Variants in XRCC6 observed in about 807,000 individuals in gnomAD.
The protein encoded by XRCC6 is X-ray repair cross complementing 6.
Under a neutral mutation model 65.7 loss-of-function variants are expected in XRCC6, and 5 were observed. That is an observed-to-expected ratio of 0.08 (90% confidence interval 0.04 to 0.16). The LOEUF (loss-of-function observed/expected upper bound fraction) is 0.16. Among genes scored for constraint, XRCC6 ranks in the 10% least tolerant of loss-of-function variants. The pLI, the probability that XRCC6 is intolerant of heterozygous loss-of-function variation, is 1.00. For missense variants in XRCC6, 447 were observed against 738.1 expected (o/e 0.61, Z 4.57); for synonymous variants, 270 against 270.6 (o/e 1.00, Z 0.02).
At chr22:41,631,536 C>T (rs1328468103) in intron 3 of XRCC6, among the ~76,000 whole-genome samples, 5 of 140,126 alleles carry the variant, frequency 3.6e-5, no homozygotes, top group Admixed American at 7.0e-5. Context: ...GACGGGGCGG[C>T]GGGGCAAAGG....
intron 11 of XRCC6, 77 bp downstream of exon 11, chr22:41,658,429 G>A: frequency 1.5e-6 from 2 of 1,351,684 alleles, no homozygotes; most frequent in Middle Eastern, 1.8e-4. Flanking sequence ...TAATTTGGGT[G>A]CATTTCCCAG....
rs1044226842 is a variant in XRCC6 at position 41,644,438 on chromosome 22, A to C, written c.774-2458A>C. Among the ~76,000 whole-genome samples the C allele has an allele frequency of 7.9e-5, 12 of 152,082 alleles. No homozygotes were observed. In the East Asian group the frequency reaches 2.3e-3, roughly 29 times the overall value. On this transcript the variant is annotated intron_variant, in intron 6 of 12. Transcript: ENST00000360079. ...TCTTTTTTTCCCCCATAATATAAGA[A>C]TTTTTTGCATATTGTAAATATATGT...
chr22:41,661,551 T>A, intron 12 of XRCC6, 107 bp downstream of exon 12: 1 of 958,178 alleles, frequency 1.0e-6, no homozygotes, highest in Non-Finnish European at 1.5e-6. Flanking sequence ...ACAGTCTAGT[T>A]AAAATGGCTT....
At chr22:41,640,697 C>G (rs970583534) in intron 6 of XRCC6, among the ~76,000 whole-genome samples, 2 of 152,178 alleles carry the variant, frequency 1.3e-5, no homozygotes, top group Non-Finnish European at 2.9e-5. Context: ...TGTCATTGTT[C>G]TCCTTTTCCT....
chr22:41,651,003 T>A, intron 8 of XRCC6, 112 bp downstream of exon 8: 5 of 1,363,950 alleles, frequency 3.7e-6, no homozygotes, highest in Non-Finnish European at 4.0e-6. Flanking sequence ...TAATGGAGTA[T>A]GTTGAAAGTG....
chr22:41,630,277 C>T (rs997538901), intron 3 of XRCC6, among the ~76,000 whole-genome samples: 1 of 151,610 alleles, frequency 6.6e-6, no homozygotes, highest in Admixed American at 6.6e-5. Flanking sequence ...CCATGGCACC[C>T]GGCCTTGCTT....
rs559386153 is a variant in XRCC6, at chr22:41,633,255, A to G, written c.196-2858A>G. Reference sequence around the variant, plus strand: ...ACAGACTACAGAACCTTGCCCCACAATCAAAATTTCTGATTCTCTATGTCT... The same window carrying G: ...ACAGACTACAGAACCTTGCCCCACAGTCAAAATTTCTGATTCTCTATGTCT... On this transcript the variant is annotated intron_variant, in intron 3 of 12. Coordinates refer to ENST00000360079, the MANE Select transcript of XRCC6 (RefSeq NM_001469.5). Among the ~76,000 whole-genome samples, 7 of 152,356 alleles carry G rather than the reference A, an allele frequency of 4.6e-5. No homozygotes were observed. In the South Asian group the frequency reaches 1.4e-3, roughly 32 times the overall value.
At chr22:41,658,443 T>C in intron 11 of XRCC6, 91 bp downstream of exon 11, 2 of 1,196,096 alleles carry the variant, frequency 1.7e-6, no homozygotes, top group Admixed American at 3.9e-5. Context: ...TTCCCAGTCC[T>C]CTCTAAACAC....
intron 3 of XRCC6, among the ~76,000 whole-genome samples, chr22:41,631,146 C>A (rs2067742282): frequency 6.7e-6 from 1 of 150,286 alleles, no homozygotes; most frequent in African/African-American, 2.4e-5. Context: ...GGGGGCTGAC[C>A]CCCCCACCTC....
chr22:41,636,440 T>C (rs1285062349), intron 4 of XRCC6, 76 bp from the exon 5 acceptor site: 4 of 1,566,372 alleles, frequency 2.6e-6, no homozygotes, highest in Non-Finnish European at 3.5e-6. Flanking sequence ...AGGGTCCTTC[T>C]GTTAGTCTTG....
chr22:41,625,485 C>T (rs2147064023), intron 2 of XRCC6, among the ~76,000 whole-genome samples: 1 of 152,322 alleles, frequency 6.6e-6, no homozygotes, highest in South Asian at 2.1e-4. Flanking sequence ...AGAAAATTTG[C>T]TGGGCATAGT....
intron 7 of XRCC6, among the ~76,000 whole-genome samples, chr22:41,647,931 TG>T (rs1490192448): frequency 2.0e-5 from 3 of 152,060 alleles, no homozygotes; most frequent in Non-Finnish European, 4.4e-5. Context: ...GGAGAGACAT[TG>T]ATCAGGCTGA....
In XRCC6 at chr22:41,663,471, C is replaced by T. The variant is rs192143365; in HGVS notation, c.1637-151C>T. On this transcript the variant is annotated intron_variant, in intron 12 of 12. Transcript: ENST00000360079. Reference sequence around the variant, plus strand: ...TGCACTTTAAATGAAGCTACCTTATCGAGATAAGTCTTCCCCATGGTGTCC... The same window carrying T: ...TGCACTTTAAATGAAGCTACCTTATTGAGATAAGTCTTCCCCATGGTGTCC... 293 of 815,368 alleles carry T rather than the reference C, an allele frequency of 3.6e-4. No homozygotes were observed. In the African/African-American group the frequency reaches 4.4e-3, roughly 12 times the overall value. 50.5% of individuals were successfully genotyped at this position (815,368 alleles called of 1,614,324 possible). A position where few individuals can be genotyped will look rare whatever the true frequency, so the allele number is the denominator to read the frequency against.
intron 7 of XRCC6, among the ~76,000 whole-genome samples, chr22:41,648,406 A>G (rs1263834675): frequency 6.6e-6 from 1 of 152,148 alleles, no homozygotes. Flanking sequence ...CTTTATAGTT[A>G]ATTAGGGAGA....
chr22:41,624,986 G>A (rs2067654116), intron 2 of XRCC6, among the ~76,000 whole-genome samples: 1 of 152,034 alleles, frequency 6.6e-6, no homozygotes, highest in Non-Finnish European at 1.5e-5. Context: ...GACAGAGCGA[G>A]ACTCCGTCTC....
intron 6 of XRCC6, among the ~76,000 whole-genome samples, chr22:41,644,677 T>A (rs375166256): frequency 6.6e-6 from 1 of 151,838 alleles, no homozygotes; most frequent in Non-Finnish European, 1.5e-5. Flanking sequence ...TTAGTAGAGA[T>A]GGGGTTTCAC....
Position 41,650,741 on chromosome 22 carries a change from A to G in XRCC6, c.979A>G (p.Ile327Val), listed in dbSNP as rs1370742072. Residue 327 changes from isoleucine to valine, a missense_variant, in exon 8 of 13, where the codon ATT (isoleucine) becomes GTT (valine). Transcript: ENST00000360079. ...CCTTCAGATCTATGGGAGTCGTCAG[A>G]TTATACTGGAGAAAGAGGAAACAGA... ...KRSQIYGSRQ[I>V]ILEKEETEEL... 6.2e-7 allele frequency: 1 copy of G among 1,613,546 alleles called. No homozygotes were observed. Among genetic ancestry groups the G allele is most frequent in the Admixed American group, 1.7e-5 (1 of 59,994 alleles).
intron 9 of XRCC6, among the ~76,000 whole-genome samples, chr22:41,656,215 CAAAAAA>C (rs132783): frequency 7.9e-6 from 1 of 127,216 alleles, no homozygotes; most frequent in Non-Finnish European, 1.6e-5. Context: ...GATCCTGTCT[CAAAAAA>C]AAAAAAAAAA....
chr22:41,633,837 G>A (rs2067782465), intron 3 of XRCC6, among the ~76,000 whole-genome samples: 1 of 152,190 alleles, frequency 6.6e-6, no homozygotes, highest in Non-Finnish European at 1.5e-5. Flanking sequence ...AAGGAAATGA[G>A]ACATTCATAG....
Sources: gnomAD v4.1 joint callset for allele counts (sites outside exome capture counted in the v4.1 genomes callset) on GRCh38, gnomAD v4.1.1 for gene constraint, MANE v1.5 for transcripts, NCBI Gene and HGNC (gene_info 2026-07-23, HGNC 2026-07-21) for gene names.